The following LARS1 variants were observed in gnomAD, a reference collection of about 807,000 sequenced individuals.
The protein encoded by LARS1 is leucyl-tRNA synthetase 1, also known as leucine--tRNA ligase, cytoplasmic.
In LARS1, 100 loss-of-function variants were observed where a neutral mutation model predicts 162.8. That is an observed-to-expected ratio of 0.61 (90% CI 0.52 to 0.73). The LOEUF (loss-of-function observed/expected upper bound fraction) is 0.73, where lower values mean the gene tolerates loss of function less well. Among genes scored for constraint, LARS1 ranks in the 30% least tolerant of loss-of-function variants. The pLI is 0.00. For synonymous variants in LARS1, 457 were observed against 462.8 expected, an observed-to-expected ratio of 0.99 and a Z score of 0.16; for missense variants, 1,258 against 1,408.9, an observed-to-expected ratio of 0.89 and a Z score of 1.71.
intron 12 of LARS1, 75 bp downstream of exon 12, chr5:146,153,659 C>T: frequency 2.6e-6 from 3 of 1,137,194 alleles, no homozygotes; most frequent in Non-Finnish European, 4.0e-6. Flanking sequence ...TAGCCTAGTC[C>T]CACAGCGTAG....
chr5:146,157,341 T>A, intron 10 of LARS1, 62 bp downstream of exon 10: 2 of 1,385,592 alleles, frequency 1.4e-6, no homozygotes, highest in Non-Finnish European at 2.1e-6. Flanking sequence ...TTCTCAATAT[T>A]CATTGTTGAA....
At chr5:146,140,182 T>C (rs551092706) in intron 21 of LARS1, 22 bp downstream of exon 21, 10 of 1,593,816 alleles carry the variant, frequency 6.3e-6, no homozygotes, top group South Asian at 1.1e-5. Flanking sequence ...ATTTTAAACT[T>C]TTAAGATGCA....
chr5:146,142,061 G>T lies in LARS1; in HGVS notation c.2090+811C>A, dbSNP rs549544518. ...TGTAATCCCAGCTACTCGGGAGGCTGAGGCAGGAGAATCGCTTGAACCCAG... is the reference window on the plus strand; with the variant it reads ...TGTAATCCCAGCTACTCGGGAGGCTTAGGCAGGAGAATCGCTTGAACCCAG... On this transcript the variant is annotated intron_variant, in intron 20 of 31. Coordinates refer to ENST00000394434, the MANE Select transcript of LARS1 (RefSeq NM_020117.11). Among the ~76,000 whole-genome samples the T allele has an allele frequency of 8.8e-4, 134 of 152,284 alleles. 1 individual carries two copies. The highest frequency in any genetic ancestry group is 2.9e-3 in the African/African-American group (122 of 41,558).
intron 6 of LARS1, among the ~76,000 whole-genome samples, chr5:146,162,258 C>T (rs2126549636): frequency 6.6e-6 from 1 of 152,304 alleles, no homozygotes; most frequent in East Asian, 1.9e-4. Flanking sequence ...TAAAATGTAT[C>T]TCTTAAATAA....
intron 1 of LARS1, chr5:146,180,926 T>C (rs896729055): frequency 6.6e-6 from 1 of 152,260 alleles, no homozygotes; most frequent in African/African-American, 2.4e-5. Flanking sequence ...CCCTGGCTTC[T>C]ACCCGGGATC....
At position 146,182,489 on chromosome 5, in the gene LARS1, GC is replaced by G. The variant is rs1381429800; in HGVS notation, c.4del (p.Ala2ArgfsTer12). ...CGGATTCTTCTCGCTCAAACTCACCGCCATTGCACCGCCCAGCCGACTGTGC... is the reference window on the plus strand; with the variant it reads ...CGGATTCTTCTCGCTCAAACTCACCGCATTGCACCGCCCAGCCGACTGTGC... M[A>X]ERKGTAKVDF... On this transcript the variant is annotated frameshift_variant and splice_region_variant, in exon 1 of 32. Coordinates refer to ENST00000394434, the MANE Select transcript of LARS1 (RefSeq NM_020117.11). LOFTEE classifies it high-confidence loss of function. The G allele has an allele frequency of 6.2e-7, 1 of 1,613,682 alleles. No homozygotes were observed. The highest frequency in any genetic ancestry group is 8.5e-7 in the Non-Finnish European group (1 of 1,179,848).
At position 146,153,947 on chromosome 5, in the gene LARS1, T is replaced by A; in HGVS notation, c.1099A>T (p.Thr367Ser). The A allele has an allele frequency of 6.2e-7, 1 of 1,611,314 alleles. No homozygotes were observed. The highest frequency in any genetic ancestry group is 2.0e-4 in the Middle Eastern group (1 of 5,014). The change falls in exon 11 of 32, where the codon ACA becomes TCA. Residue 367 changes from threonine to serine, a missense_variant. By Grantham distance (58) the Thr-to-Ser change is moderately conservative. Coordinates refer to ENST00000394434, the MANE Select transcript of LARS1 (RefSeq NM_020117.11). ...ILGASLSAPL[T>S]SYKVIYVLPM... is the part of the protein sequence containing the mutation. Reference sequence around the variant, plus strand: ...AGAACATAGATCACCTTGTATGATGTTAAAGGTGCAGAAAGTGATGCACCA... The same window carrying A: ...AGAACATAGATCACCTTGTATGATGATAAAGGTGCAGAAAGTGATGCACCA...
intron 1 of LARS1, among the ~76,000 whole-genome samples, chr5:146,178,342 G>T (rs145454432): frequency 6.6e-6 from 1 of 152,118 alleles, no homozygotes; most frequent in South Asian, 2.1e-4. Flanking sequence ...GGCTGGACAC[G>T]GTGGCTCACG....
chr5:146,149,703 A>G lies in LARS1; in HGVS notation c.1426-4T>C. ...TAAATCCATCCACCAACATGATCTA[A>G]AAGGATGAGAGGGGAGAAAAACCAC... On this transcript the variant is annotated splice_polypyrimidine_tract_variant and splice_region_variant and intron_variant, in intron 14 of 31. Coordinates refer to ENST00000394434, the MANE Select transcript of LARS1 (RefSeq NM_020117.11). 2 of 1,604,936 alleles carry G rather than the reference A, an allele frequency of 1.2e-6. No homozygotes were observed. Among genetic ancestry groups the G allele is most frequent in the South Asian group, 1.1e-5 (1 of 90,876 alleles).
intron 15 of LARS1, among the ~76,000 whole-genome samples, chr5:146,147,216 C>T (rs1430729415): frequency 1.3e-5 from 2 of 152,072 alleles, no homozygotes; most frequent in Non-Finnish European, 2.9e-5. Context: ...TACATATCAA[C>T]GGTCTTCCTC....
chr5:146,159,291 T>C, intron 8 of LARS1, 116 bp downstream of exon 8: 1 of 689,206 alleles, frequency 1.5e-6, no homozygotes, highest in Non-Finnish European at 2.5e-6. Flanking sequence ...TCCACCAGAG[T>C]ATCAGGACTA....
intron 7 of LARS1, 69 bp from the exon 8 acceptor site, chr5:146,159,539 T>C: frequency 8.5e-7 from 1 of 1,177,760 alleles, no homozygotes; most frequent in Non-Finnish European, 1.3e-6. Flanking sequence ...TATTTGCCTG[T>C]GTTGCACCTA....
rs1172089956 is a variant in LARS1, at chr5:146,182,554, G to C, written c.-61C>G. On this transcript the variant is annotated 5_prime_UTR_variant, in exon 1 of 32. Coordinates refer to ENST00000394434, the MANE Select transcript of LARS1 (RefSeq NM_020117.11). ...TGACCCTGGCGACCTCCACAAAGGA[G>C]TGGTTACCTTTCCCCTCCCTCTCGG... 1.9e-6 allele frequency: 3 copies of C among 1,612,702 alleles called. No homozygotes were observed. Among genetic ancestry groups the C allele is most frequent in the Non-Finnish European group, 1.7e-6 (2 of 1,178,754 alleles).
intron 31 of LARS1, among the ~76,000 whole-genome samples, chr5:146,118,777 A>G (rs1751684807): frequency 1.3e-5 from 2 of 152,342 alleles, no homozygotes; most frequent in East Asian, 3.9e-4. Flanking sequence ...AGTTGTAGAG[A>G]TGGATGGTGG....
chr5:146,157,861 T>C (rs776931565), intron 8 of LARS1, 66 bp from the exon 9 acceptor site: 11 of 1,469,064 alleles, frequency 7.5e-6, no homozygotes, highest in Non-Finnish European at 1.0e-5. Context: ...TACTAATCTA[T>C]GTGAGAGATC....
chr5:146,126,788 T>C (rs555610672), intron 27 of LARS1, among the ~76,000 whole-genome samples: 1 of 152,244 alleles, frequency 6.6e-6, no homozygotes, highest in East Asian at 1.9e-4. Context: ...AAGTGATTTG[T>C]GTTGAATATT....
intron 15 of LARS1, among the ~76,000 whole-genome samples, chr5:146,148,330 G>A (rs1403990979): frequency 6.6e-6 from 1 of 152,194 alleles, no homozygotes; most frequent in Non-Finnish European, 1.5e-5. Context: ...GCCAGAAAGC[G>A]CTGGAAGAGC....
At chr5:146,153,345 T>C in intron 12 of LARS1, 118 bp from the exon 13 acceptor site, 1 of 735,522 alleles carries the variant, frequency 1.4e-6, no homozygotes, top group South Asian at 1.7e-5. Context: ...TGTTCTCCTC[T>C]CCATAGAGAG....
intron 15 of LARS1, among the ~76,000 whole-genome samples, chr5:146,148,187 A>T (rs1753104063): frequency 6.6e-6 from 1 of 152,238 alleles, no homozygotes; most frequent in Admixed American, 6.5e-5. Context: ...AATGAGAAAG[A>T]ATATAAGGAC....
Sources: gnomAD v4.1 joint callset for allele counts (sites outside exome capture counted in the v4.1 genomes callset) on GRCh38, gnomAD v4.1.1 for gene constraint, MANE v1.5 for transcripts, NCBI Gene and HGNC (gene_info 2026-07-23, HGNC 2026-07-21) for gene names.